Variants in SCHIP1 observed in about 807,000 individuals in gnomAD.
SCHIP1 encodes schwannomin interacting protein 1.
Under a neutral mutation model 29.7 loss-of-function variants are expected in SCHIP1, and 8 were observed. That is an observed-to-expected ratio of 0.27 (90% CI 0.16 to 0.49). The LOEUF (loss-of-function observed/expected upper bound fraction) is 0.49. SCHIP1 is among the 20% of genes least tolerant of loss of function. SCHIP1 has a pLI of 0.99. For missense variants in SCHIP1, 193 were observed against 294.6 expected (o/e 0.66, Z 2.52); for synonymous variants, 76 against 94.9 (o/e 0.80, Z 1.16).
chr3:159,701,858 T>G, the SCHIP1 span, among the ~76,000 whole-genome samples: 3 of 152,134 alleles, frequency 2.0e-5, no homozygotes, highest in South Asian at 2.1e-4. Context: ...TTGGGCAGAC[T>G]TCAAGCAATA....
At chr3:159,297,797 G>A in the SCHIP1 span, among the ~76,000 whole-genome samples, 25 of 152,090 alleles carry the variant, frequency 1.6e-4, no homozygotes, top group Non-Finnish European at 3.5e-4. Flanking sequence ...CTTCCCCCTA[G>A]TAGCTGCGCC....
the SCHIP1 span, among the ~76,000 whole-genome samples, chr3:159,725,685 C>T: frequency 1.3e-5 from 2 of 152,168 alleles, no homozygotes; most frequent in Non-Finnish European, 2.9e-5. Flanking sequence ...GTGGTGAGCA[C>T]AGTACTGTCT....
the SCHIP1 span, among the ~76,000 whole-genome samples, chr3:159,492,502 C>T: frequency 3.9e-3 from 583 of 151,252 alleles, 8 homozygotes; most frequent in African/African-American, 0.013. Flanking sequence ...AGGGTATCAG[C>T]GATGGAAGAT....
chr3:159,640,301 G>C, the SCHIP1 span, among the ~76,000 whole-genome samples: 13 of 152,244 alleles, frequency 8.5e-5, no homozygotes, highest in South Asian at 2.7e-3. Context: ...AAATTGAGGT[G>C]CTCTAATCCT....
the SCHIP1 span, among the ~76,000 whole-genome samples, chr3:159,807,793 GGA>G: frequency 2.0e-5 from 3 of 152,212 alleles, no homozygotes; most frequent in South Asian, 6.2e-4. Context: ...GAGTTGTGAA[GGA>G]GAGAAGCAAA....
At chr3:159,867,652 C>T (rs1434269299) in intron 2 of SCHIP1, among the ~76,000 whole-genome samples, 1 of 152,158 alleles carries the variant, frequency 6.6e-6, no homozygotes, top group Non-Finnish European at 1.5e-5. Context: ...GTCAGCCCTC[C>T]TCTTTCCCTT....
chr3:159,776,002 C>T, the SCHIP1 span, among the ~76,000 whole-genome samples: 423 of 152,294 alleles, frequency 2.8e-3, no homozygotes, highest in African/African-American at 9.5e-3. Context: ...AGCATAATAG[C>T]TTTTACCTCT....
At chr3:159,631,693 G>A in the SCHIP1 span, among the ~76,000 whole-genome samples, 3 of 152,112 alleles carry the variant, frequency 2.0e-5, no homozygotes, top group Admixed American at 6.6e-5. Flanking sequence ...GGGAGTTATC[G>A]CTTAATAGTT....
chr3:159,623,116 A>G, the SCHIP1 span, among the ~76,000 whole-genome samples: 2 of 152,184 alleles, frequency 1.3e-5, no homozygotes, highest in African/African-American at 4.8e-5. Flanking sequence ...GGCAACAGAA[A>G]TAGACTTACA....
the SCHIP1 span, among the ~76,000 whole-genome samples, chr3:159,608,982 T>C: frequency 6.6e-6 from 1 of 152,194 alleles, no homozygotes; most frequent in Admixed American, 6.5e-5. Context: ...ACTCCATCCA[T>C]TCATCATACC....
At chr3:159,599,625 T>C in the SCHIP1 span, among the ~76,000 whole-genome samples, 1 of 152,254 alleles carries the variant, frequency 6.6e-6, no homozygotes, top group South Asian at 2.1e-4. Context: ...TATGTATATA[T>C]ACCATATTTT....
At chr3:159,649,230 T>A in the SCHIP1 span, among the ~76,000 whole-genome samples, 1,043 of 152,280 alleles carry the variant, frequency 6.8e-3, 12 homozygotes, top group African/African-American at 0.023. Flanking sequence ...AGCAAAGATG[T>A]CTCAGACTGC....
the SCHIP1 span, among the ~76,000 whole-genome samples, chr3:159,405,519 A>G: frequency 1.3e-5 from 2 of 152,236 alleles, no homozygotes; most frequent in Admixed American, 6.5e-5. Flanking sequence ...AGAACACATC[A>G]GTCTCTTAAT....
rs1459292961 is a variant in SCHIP1, at chr3:159,861,808, A to T, written c.31-4355A>T. Among the ~76,000 whole-genome samples the T allele has an allele frequency of 6.6e-6, 1 of 152,158 alleles. No individual in the cohort carries two copies. Among genetic ancestry groups the T allele is most frequent in the African/African-American group, 2.4e-5 (1 of 41,424 alleles). On this transcript the variant is annotated intron_variant, in intron 1 of 6. Transcript: ENST00000445224. This position sits in a 1 kb window ranked among gnomAD's most constrained non-coding sequence, Gnocchi z 4.1. Reference sequence around the variant, plus strand: ...GAGTGGACATGGTTCTGCCTGTCATAAGTGCAGCCAGACAGTGGTGTTTTG... The same window carrying T: ...GAGTGGACATGGTTCTGCCTGTCATTAGTGCAGCCAGACAGTGGTGTTTTG...
chr3:159,538,651 G>T, the SCHIP1 span, among the ~76,000 whole-genome samples: 5 of 152,102 alleles, frequency 3.3e-5, no homozygotes, highest in South Asian at 8.3e-4. Flanking sequence ...GCCTGAGGTA[G>T]TTAAGTTTTA....
the SCHIP1 span, among the ~76,000 whole-genome samples, chr3:159,293,943 A>G: frequency 2.0e-5 from 3 of 152,174 alleles, no homozygotes; most frequent in African/African-American, 7.2e-5. Flanking sequence ...GATTCGTGCT[A>G]GAAATCCAGG....
the SCHIP1 span, among the ~76,000 whole-genome samples, chr3:159,680,528 TG>T: frequency 8.7e-6 from 1 of 114,350 alleles, no homozygotes; most frequent in African/African-American, 3.5e-5. Flanking sequence ...TATATATATA[TG>T]TATATAATAT....
chr3:159,489,281 C>G, the SCHIP1 span, among the ~76,000 whole-genome samples: 1 of 152,034 alleles, frequency 6.6e-6, no homozygotes, highest in Non-Finnish European at 1.5e-5. Flanking sequence ...AATTTGTGTT[C>G]TACTAAATTA....
chr3:159,647,963 T>C, the SCHIP1 span, among the ~76,000 whole-genome samples: 1 of 152,114 alleles, frequency 6.6e-6, no homozygotes, highest in South Asian at 2.1e-4. Context: ...AGTAAGTTCA[T>C]AAAACAGGGA....
Sources: gnomAD v4.1 joint callset for allele counts (sites outside exome capture counted in the v4.1 genomes callset) on GRCh38, gnomAD v4.1.1 for gene constraint, Gnocchi (gnomAD v3.1) non-coding constraint, MANE v1.5 for transcripts, NCBI Gene and HGNC (gene_info 2026-07-23, HGNC 2026-07-21) for gene names.